The following SETD5 variants were observed in gnomAD, a reference collection of about 807,000 sequenced individuals.
The protein encoded by SETD5 is SET domain containing 5, also known as histone-lysine N-methyltransferase SETD5.
In SETD5, 44 loss-of-function variants were observed where a neutral mutation model predicts 153.3. That is an observed-to-expected ratio of 0.29 (90% CI 0.23 to 0.37). The LOEUF (loss-of-function observed/expected upper bound fraction) is 0.37. Ranked by LOEUF, SETD5 falls within the 10% of genes least tolerant of loss-of-function variation. The pLI is 1.00. For synonymous variants in SETD5, 716 were observed against 645.2 expected (o/e 1.11, Z -1.66); for missense variants, 1,544 against 1,768.0 (o/e 0.87, Z 2.27).
rs114471537 is a variant in SETD5, at chr3:9,407,386, A to G, written c.-177+9409A>G. Among the ~76,000 whole-genome samples, 438 of 152,258 alleles carry G rather than the reference A, an allele frequency of 2.9e-3. 2 individuals carry two copies. Among genetic ancestry groups the G allele is most frequent in the African/African-American group, 0.01 (427 of 41,534 alleles). On this transcript the variant is annotated intron_variant, in intron 1 of 22. Coordinates refer to ENST00000402198, the MANE Select transcript of SETD5 (RefSeq NM_001080517.3). Reference sequence around the variant, plus strand: ...GCCACTCTTACTTAAACCCTAGGCCATGTGTGGAGTCCCAGGGGAAGACAT... The same window carrying G: ...GCCACTCTTACTTAAACCCTAGGCCGTGTGTGGAGTCCCAGGGGAAGACAT...
rs568664595 is a variant in SETD5, at chr3:9,469,653, G to C, written c.2725-806G>C. Among the ~76,000 whole-genome samples, 5 of 152,294 alleles carry C rather than the reference G, an allele frequency of 3.3e-5. No homozygotes were observed. The South Asian group carries it at 8.3e-4, about 25-fold the overall frequency. Reference sequence around the variant, plus strand: ...GTAATTTGAAGACTGATATGGTATGGTATCTGGTTTTCTGGTACCATTCTT... The same window carrying C: ...GTAATTTGAAGACTGATATGGTATGCTATCTGGTTTTCTGGTACCATTCTT... On this transcript the variant is annotated intron_variant, in intron 18 of 22. Coordinates refer to ENST00000402198, the MANE Select transcript of SETD5 (RefSeq NM_001080517.3).
At chr3:9,403,408 A>G (rs927799979) in intron 1 of SETD5, among the ~76,000 whole-genome samples, 4 of 152,200 alleles carry the variant, frequency 2.6e-5, no homozygotes, top group Admixed American at 6.5e-5. Flanking sequence ...GAATAAAAAC[A>G]CATTGTAATA....
intron 1 of SETD5, among the ~76,000 whole-genome samples, chr3:9,411,711 T>G (rs559701799): frequency 1.3e-5 from 2 of 152,308 alleles, no homozygotes; most frequent in Admixed American, 1.3e-4. Context: ...AATGCTGCCT[T>G]TATTTTGGAA....
At chr3:9,448,030 TAA>T in intron 15 of SETD5, 24 bp downstream of exon 15, 2 of 1,598,830 alleles carry the variant, frequency 1.3e-6, no homozygotes, top group Non-Finnish European at 1.7e-6. Flanking sequence ...GCATCCTTTA[TAA>T]GTCCAGTCTG....
chr3:9,401,437 G>C (rs2034761460), intron 1 of SETD5, among the ~76,000 whole-genome samples: 1 of 152,146 alleles, frequency 6.6e-6, no homozygotes, highest in Admixed American at 6.5e-5. Context: ...CCTTTTCATA[G>C]AAGGATTTAC....
rs1289625848 is a variant in SETD5, at chr3:9,475,730, G to A, written c.3968G>A (p.Ser1323Asn). The stretch of plus-strand genomic sequence containing the variant: ...ACGGGGACACCAGGGTATTTTAGCA[G>A]CCAGCCACATTCTGGAAACAGCACT... Reference protein sequence around the residue: ...PFTGTPGYFSSQPHSGNSTGS... With the variant: ...PFTGTPGYFSNQPHSGNSTGS... Residue 1323 changes from serine to asparagine, a missense_variant, in exon 23 of 23, where the codon AGC (serine) becomes AAC (asparagine). Ser to Asn is a conservative substitution (Grantham distance 46, BLOSUM62 1). Coordinates refer to ENST00000402198, the MANE Select transcript of SETD5 (RefSeq NM_001080517.3). 2 of 1,613,934 alleles carry A rather than the reference G, an allele frequency of 1.2e-6. No individual in the cohort carries two copies. Among genetic ancestry groups the A allele is most frequent in the Non-Finnish European group, 1.7e-6 (2 of 1,179,860 alleles).
In SETD5 at chr3:9,475,867, C is replaced by CT. The variant is rs759232443; in HGVS notation, c.4106dup (p.Ser1370GlufsTer10). ...AGTTTCTCAGTCCAGCACAGGAACT[C>CT]TGAGTTCCACCTCCTTTCCTCAGAA... On this transcript the variant is annotated frameshift_variant, in exon 23 of 23. Transcript: ENST00000402198. LOFTEE classifies it high-confidence loss of function. The CT allele has an allele frequency of 4.3e-6, 7 of 1,614,058 alleles. No homozygotes were observed. The highest frequency in any genetic ancestry group is 2.2e-5 in the South Asian group (2 of 91,088).
chr3:9,429,152 C>T, intron 3 of SETD5, 143 bp downstream of exon 3: 1 of 442,818 alleles, frequency 2.3e-6, no homozygotes, highest in South Asian at 6.9e-5. Flanking sequence ...TTCCCTTTAC[C>T]CCCATTGAAG....
chr3:9,433,320 G>C lies in SETD5; in HGVS notation c.72-525G>C, dbSNP rs764484741. On this transcript the variant is annotated intron_variant, in intron 3 of 22. Coordinates refer to ENST00000402198, the MANE Select transcript of SETD5 (RefSeq NM_001080517.3). ...AGGTGTTGGGGGTTCATCAAGATGA[G>C]AGGTATGATAAATATAAGATGCCAT... The C allele has an allele frequency of 3.3e-6, 4 of 1,207,738 alleles. No homozygotes were observed. The South Asian group carries it at 5.0e-5, about 15-fold the overall frequency. The allele number at this position is 1,207,738 out of a possible 1,614,324, so 74.8% of individuals were successfully genotyped here. A position where few individuals can be genotyped will look rare whatever the true frequency, so the allele number is the denominator to read the frequency against.
chr3:9,413,633 G>A (rs1057233076), intron 1 of SETD5, among the ~76,000 whole-genome samples: 3 of 142,448 alleles, frequency 2.1e-5, no homozygotes, highest in Admixed American at 7.3e-5. Flanking sequence ...TAGCTTCTTC[G>A]GGTGGGGGGA....
rs543311546 is a variant in SETD5 at position 9,475,245 on chromosome 3, C to G, written c.3720+89C>G. On this transcript the variant is annotated intron_variant, in intron 22 of 22. Coordinates refer to ENST00000402198, the MANE Select transcript of SETD5 (RefSeq NM_001080517.3). Reference sequence around the variant, plus strand: ...TCATCCTTTGCCATTGAGATGCTGTCTTTGCATATAGTTTCAGCAGCCTTG... The same window carrying G: ...TCATCCTTTGCCATTGAGATGCTGTGTTTGCATATAGTTTCAGCAGCCTTG... 6.6e-5 allele frequency: 86 copies of G among 1,296,658 alleles called. No homozygotes were observed. The Middle Eastern group carries it at 9.3e-4, about 14-fold the overall frequency. 80.3% of individuals were successfully genotyped at this position (1,296,658 alleles called of 1,614,324 possible). A position where few individuals can be genotyped will look rare whatever the true frequency, so the allele number is the denominator to read the frequency against.
intron 18 of SETD5, among the ~76,000 whole-genome samples, chr3:9,465,487 T>C (rs1274739733): frequency 3.9e-5 from 6 of 152,240 alleles, no homozygotes; most frequent in Admixed American, 1.3e-4. Flanking sequence ...GAAAAATTTG[T>C]TCTGACCACT....
At chr3:9,418,529 A>G (rs1024597076) in intron 1 of SETD5, among the ~76,000 whole-genome samples, 1 of 152,162 alleles carries the variant, frequency 6.6e-6, no homozygotes. Context: ...TTTACAGGAC[A>G]TCCAGTCAGT....
chr3:9,474,125 GAAACCTTTATT>G (rs925656980), intron 20 of SETD5, among the ~76,000 whole-genome samples: 13 of 152,218 alleles, frequency 8.5e-5, no homozygotes, highest in African/African-American at 3.1e-4. Context: ...ATTAATCTAT[GAAACCTTTATT>G]AAACCAGTAC....
chr3:9,450,576 T>G (rs1259500388), intron 16 of SETD5, among the ~76,000 whole-genome samples: 1 of 152,218 alleles, frequency 6.6e-6, no homozygotes, highest in Non-Finnish European at 1.5e-5. Context: ...AATATTGGTC[T>G]TCTTCTAATA....
In SETD5 at chr3:9,456,211, C is replaced by G. The variant is rs34412870; in HGVS notation, c.2476+2343C>G. Among the ~76,000 whole-genome samples, 1,161 of 152,142 alleles carry G rather than the reference C, an allele frequency of 7.6e-3. 18 individuals carry two copies. The highest frequency in any genetic ancestry group is 0.025 in the African/African-American group (1,054 of 41,458). ...TCTCTGAGGCTAGGCGTTGGTGGCT[C>G]ACACCTGTAATCCCAGCACTTTGGG... On this transcript the variant is annotated intron_variant, in intron 17 of 22. Coordinates refer to ENST00000402198, the MANE Select transcript of SETD5 (RefSeq NM_001080517.3).
chr3:9,407,843 A>G (rs547393442), intron 1 of SETD5, among the ~76,000 whole-genome samples: 1 of 151,992 alleles, frequency 6.6e-6, no homozygotes, highest in South Asian at 2.1e-4. Context: ...TCTACTGAAA[A>G]TAGAAAATTA....
chr3:9,445,474 C>A, intron 12 of SETD5, 174 bp downstream of exon 12: 1 of 933,948 alleles, frequency 1.1e-6, no homozygotes, highest in Admixed American at 2.6e-5. Flanking sequence ...TCAAAAACAT[C>A]CTTTGCTGGT....
chr3:9,422,277 T>C (rs77063999), intron 1 of SETD5, among the ~76,000 whole-genome samples: 123 of 152,320 alleles, frequency 8.1e-4, no homozygotes, highest in Non-Finnish European at 1.3e-3. Context: ...CAGCATACCT[T>C]ATATGTCAGC....
Sources: allele counts gnomAD v4.1 joint callset (sites outside exome capture counted in the v4.1 genomes callset), GRCh38; gene constraint gnomAD v4.1.1; transcripts MANE v1.5; gene names NCBI Gene and HGNC (gene_info 2026-07-23, HGNC 2026-07-21).